The following HCN1 variants were observed in gnomAD, a reference collection of about 807,000 sequenced individuals.
HCN1 encodes the protein potassium/sodium hyperpolarization-activated cyclic nucleotide-gated channel 1.
In HCN1, 13 loss-of-function variants were observed where a neutral mutation model predicts 78.9. That is an observed-to-expected ratio of 0.16 (90% CI 0.11 to 0.26). The LOEUF (loss-of-function observed/expected upper bound fraction) is 0.26, where lower values mean the gene tolerates loss of function less well. Among genes scored for constraint, HCN1 ranks in the 10% least tolerant of loss-of-function variants. HCN1 has a pLI of 1.00. For missense variants in HCN1, 810 were observed against 1,154.3 expected (o/e 0.70, Z 4.32); for synonymous variants, 552 against 455.5 (o/e 1.21, Z -2.70).
At chr5:45,452,149 G>A (rs1390815201) in intron 3 of HCN1, among the ~76,000 whole-genome samples, 1 of 151,828 alleles carries the variant, frequency 6.6e-6, no homozygotes, top group African/African-American at 2.4e-5. Flanking sequence ...TCATTACCAA[G>A]CTTATGCATG....
intron 7 of HCN1, among the ~76,000 whole-genome samples, chr5:45,263,955 G>A (rs1015058986): frequency 3.9e-5 from 6 of 152,042 alleles, no homozygotes; most frequent in Non-Finnish European, 8.8e-5. Context: ...CACCGTGCCC[G>A]GTTAATTTTT....
intron 2 of HCN1, among the ~76,000 whole-genome samples, chr5:45,510,351 T>C (rs189162844): frequency 6.6e-6 from 1 of 152,228 alleles, no homozygotes; most frequent in East Asian, 1.9e-4. Flanking sequence ...AAGAATTGAA[T>C]TGAGTGTTCA....
intron 2 of HCN1, among the ~76,000 whole-genome samples, chr5:45,601,043 T>C (rs1045146351): frequency 2.0e-5 from 3 of 152,014 alleles, no homozygotes; most frequent in Non-Finnish European, 4.4e-5. Context: ...GAATATATAT[T>C]TTTTTTCCTA....
intron 2 of HCN1, among the ~76,000 whole-genome samples, chr5:45,531,870 T>C (rs1742859405): frequency 6.6e-6 from 1 of 152,048 alleles, no homozygotes; most frequent in Admixed American, 6.5e-5. Context: ...TGAAACCCTG[T>C]CTCTACTAAA....
chr5:45,636,174 A>G (rs943476614), intron 2 of HCN1, among the ~76,000 whole-genome samples: 14 of 152,072 alleles, frequency 9.2e-5, no homozygotes, highest in Non-Finnish European at 1.6e-4. Flanking sequence ...TTATTTGTAG[A>G]TAGGGGCACT....
chr5:45,268,061 G>T lies in HCN1; in HGVS notation c.1619-808C>A, dbSNP rs556776507. On this transcript the variant is annotated intron_variant, in intron 6 of 7. Transcript: ENST00000303230. ...CAAACATTGGCTTAGAAAGTCCTATGATCAAACAAAGCTAGACCAGAGGTT... is the reference window on the plus strand; with the variant it reads ...CAAACATTGGCTTAGAAAGTCCTATTATCAAACAAAGCTAGACCAGAGGTT... Among the ~76,000 whole-genome samples the T allele has an allele frequency of 6.0e-4, 92 of 152,272 alleles. 1 individual carries two copies. Among genetic ancestry groups the T allele is most frequent in the East Asian group, 2.7e-3 (14 of 5,172 alleles).
At chr5:45,353,477 G>A (rs373951880) in intron 4 of HCN1, among the ~76,000 whole-genome samples, 18 of 152,040 alleles carry the variant, frequency 1.2e-4, no homozygotes, top group South Asian at 2.1e-4. Flanking sequence ...CTAAGATATC[G>A]TGGAGAGGAG....
At chr5:45,566,918 G>C (rs1254168714) in intron 2 of HCN1, among the ~76,000 whole-genome samples, 1 of 152,156 alleles carries the variant, frequency 6.6e-6, no homozygotes, top group African/African-American at 2.4e-5. Flanking sequence ...AAGTAAAAGT[G>C]TCAGTCTGTT....
chr5:45,315,141 C>T lies in HCN1; in HGVS notation c.1378-11302G>A, dbSNP rs1013838707. ...TCTCAGCACCACATCACACTTATTC[C>T]AAAATTGACAACATAGTTGGAAGTA... On this transcript the variant is annotated intron_variant, in intron 5 of 7. Transcript: ENST00000303230. Among the ~76,000 whole-genome samples the T allele has an allele frequency of 1.1e-4, 16 of 152,266 alleles. No individual in the cohort carries two copies. In the South Asian group the frequency reaches 1.7e-3, roughly 16 times the overall value.
At chr5:45,336,476 C>T (rs993947210) in intron 5 of HCN1, among the ~76,000 whole-genome samples, 7 of 152,126 alleles carry the variant, frequency 4.6e-5, no homozygotes, top group African/African-American at 1.7e-4. Flanking sequence ...GTGTGCAGGA[C>T]GTACAGCCTA....
chr5:45,517,254 T>C (rs1333171267), intron 2 of HCN1, among the ~76,000 whole-genome samples: 1 of 151,904 alleles, frequency 6.6e-6, no homozygotes, highest in Non-Finnish European at 1.5e-5. Flanking sequence ...ACACAATTTC[T>C]AGTGGGGTAA....
intron 3 of HCN1, among the ~76,000 whole-genome samples, chr5:45,450,797 C>A (rs1740900487): frequency 6.6e-6 from 1 of 152,102 alleles, no homozygotes; most frequent in African/African-American, 2.4e-5. Context: ...GTGTTAGGAT[C>A]TCAAACAACA....
intron 2 of HCN1, among the ~76,000 whole-genome samples, chr5:45,526,747 T>TA (rs1221524023): frequency 6.6e-6 from 1 of 152,112 alleles, no homozygotes; most frequent in East Asian, 1.9e-4. Flanking sequence ...ACCTCTCCTG[T>TA]ACTGCCAATC....
chr5:45,654,452 T>G (rs1745730833), intron 1 of HCN1, among the ~76,000 whole-genome samples: 1 of 152,162 alleles, frequency 6.6e-6, no homozygotes. Context: ...TGAGTGGTTT[T>G]TAAATTTTAT....
chr5:45,462,904 G>A (rs1242050729), intron 2 of HCN1, among the ~76,000 whole-genome samples: 1 of 151,870 alleles, frequency 6.6e-6, no homozygotes, highest in East Asian at 1.9e-4. Flanking sequence ...TGCTAATATA[G>A]TTTCTACTTA....
At chr5:45,312,265 T>C (rs370981218) in intron 5 of HCN1, among the ~76,000 whole-genome samples, 1 of 152,348 alleles carries the variant, frequency 6.6e-6, no homozygotes, top group East Asian at 1.9e-4. Context: ...GAATTTTATA[T>C]ATTATATACA....
intron 3 of HCN1, among the ~76,000 whole-genome samples, chr5:45,458,985 A>G (rs910402330): frequency 6.6e-6 from 1 of 152,142 alleles, no homozygotes; most frequent in Non-Finnish European, 1.5e-5. Context: ...TAAATGATTT[A>G]CCAAAACTCC....
intron 2 of HCN1, among the ~76,000 whole-genome samples, chr5:45,493,559 G>A (rs1302784879): frequency 6.6e-6 from 1 of 151,254 alleles, no homozygotes; most frequent in African/African-American, 2.4e-5. Flanking sequence ...ATTTACCAAT[G>A]TATTTCAATT....
intron 4 of HCN1, among the ~76,000 whole-genome samples, chr5:45,375,957 A>T (rs1278715159): frequency 1.7e-5 from 2 of 118,628 alleles, no homozygotes; most frequent in Non-Finnish European, 3.2e-5. Context: ...TATATTATAT[A>T]TGATAAAATA....
Sources: gnomAD v4.1 joint callset for allele counts (sites outside exome capture counted in the v4.1 genomes callset) on GRCh38, gnomAD v4.1.1 for gene constraint, MANE v1.5 for transcripts, NCBI Gene and HGNC (gene_info 2026-07-23, HGNC 2026-07-21) for gene names.